PARD3: variants seen among roughly 807,000 people sequenced by gnomAD.
The protein encoded by PARD3 is partitioning defective 3 homolog.
In PARD3, 75 loss-of-function variants were observed where a neutral mutation model predicts 155.4. That is an observed-to-expected ratio of 0.48 (90% confidence interval 0.40 to 0.58). The LOEUF is 0.58. Ranked by LOEUF, PARD3 falls within the 20% of genes least tolerant of loss-of-function variation. The probability of loss-of-function intolerance (pLI) is 0.00; values close to 1 mark genes in which losing one functional copy is unlikely to be tolerated. For missense variants in PARD3, 1,642 were observed against 1,721.7 expected, an observed-to-expected ratio of 0.95 and a Z score of 0.82; for synonymous variants, 576 against 610.5, an observed-to-expected ratio of 0.94 and a Z score of 0.83.
At chr10:34,463,376 G>A (rs1393187203) in intron 4 of PARD3, among the ~76,000 whole-genome samples, 6 of 134,774 alleles carry the variant, frequency 4.5e-5, no homozygotes, top group African/African-American at 1.7e-4. Context: ...GGGGAGGGGA[G>A]GGGAAGGGGA....
intron 1 of PARD3, among the ~76,000 whole-genome samples, chr10:34,754,757 CT>C (rs1836500154): frequency 6.6e-6 from 1 of 152,216 alleles, no homozygotes; most frequent in South Asian, 2.1e-4. Flanking sequence ...AGACAATCCC[CT>C]GACTTAAACT....
At chr10:34,467,713 T>A (rs2078101092) in intron 4 of PARD3, among the ~76,000 whole-genome samples, 2 of 151,992 alleles carry the variant, frequency 1.3e-5, no homozygotes, top group Admixed American at 6.6e-5. Flanking sequence ...ACCACTGCAC[T>A]CCAGCCTGGG....
At chr10:34,522,033 T>A (rs1003141995) in intron 2 of PARD3, among the ~76,000 whole-genome samples, 9 of 152,212 alleles carry the variant, frequency 5.9e-5, no homozygotes, top group African/African-American at 2.2e-4. Context: ...AAGTTATCCA[T>A]GTCCAAACTC....
At chr10:34,599,631 A>C (rs973604298) in intron 2 of PARD3, among the ~76,000 whole-genome samples, 8 of 152,198 alleles carry the variant, frequency 5.3e-5, no homozygotes, top group Non-Finnish European at 8.8e-5. Flanking sequence ...TGTCAGGAAA[A>C]AAATAGCCAA....
chr10:34,371,523 A>C (rs1453257255), intron 12 of PARD3, among the ~76,000 whole-genome samples: 1 of 72,344 alleles, frequency 1.4e-5, no homozygotes, highest in African/African-American at 1.3e-4. Context: ...AAAAAAAAAA[A>C]AAAAAAAAAC....
intron 2 of PARD3, among the ~76,000 whole-genome samples, chr10:34,525,422 A>C (rs1268191666): frequency 6.6e-6 from 1 of 152,220 alleles, no homozygotes; most frequent in Non-Finnish European, 1.5e-5. Context: ...GTACCAGGAA[A>C]CTTGACCTCA....
At chr10:34,775,679 T>C (rs1283051865) in intron 1 of PARD3, among the ~76,000 whole-genome samples, 1 of 152,124 alleles carries the variant, frequency 6.6e-6, no homozygotes, top group Non-Finnish European at 1.5e-5. Context: ...GAAAGCAAAG[T>C]AGATGAAGTA....
chr10:34,751,971 G>A (rs113013504), intron 1 of PARD3, among the ~76,000 whole-genome samples: 104 of 151,986 alleles, frequency 6.8e-4, no homozygotes, highest in Admixed American at 1.1e-3. Context: ...CAGCTTCCTC[G>A]GACTTTGCGA....
intron 22 of PARD3, among the ~76,000 whole-genome samples, chr10:34,168,831 C>T (rs1239974071): frequency 6.6e-6 from 1 of 152,166 alleles, no homozygotes; most frequent in Non-Finnish European, 1.5e-5. Flanking sequence ...AGTTTGAGGG[C>T]ATTAATTATG....
intron 1 of PARD3, among the ~76,000 whole-genome samples, chr10:34,809,397 A>C (rs560444210): frequency 1.3e-3 from 201 of 152,250 alleles, no homozygotes; most frequent in African/African-American, 4.4e-3. Flanking sequence ...GCACAGCCCA[A>C]GCATCTGAGT....
chr10:34,348,304 T>C (rs1269725617), intron 14 of PARD3, among the ~76,000 whole-genome samples, 189 bp from the exon 15 acceptor site: 1 of 152,246 alleles, frequency 6.6e-6, no homozygotes, highest in Non-Finnish European at 1.5e-5. Flanking sequence ...CTGTGCCACT[T>C]TATACCATGC....
At chr10:34,287,952 T>C (rs1314957076) in intron 20 of PARD3, among the ~76,000 whole-genome samples, 1 of 152,226 alleles carries the variant, frequency 6.6e-6, no homozygotes, top group Admixed American at 6.5e-5. Flanking sequence ...GGCTCATGCC[T>C]GCAATCCCAG....
chr10:34,358,828 G>T (rs1241422442), intron 14 of PARD3, among the ~76,000 whole-genome samples: 1 of 152,204 alleles, frequency 6.6e-6, no homozygotes, highest in Non-Finnish European at 1.5e-5. Context: ...CTGCCAACTA[G>T]AAGAGAAACT....
intron 22 of PARD3, among the ~76,000 whole-genome samples, chr10:34,181,599 T>C (rs548160178): frequency 1.3e-5 from 2 of 152,262 alleles, no homozygotes; most frequent in Admixed American, 6.5e-5. Context: ...AGTAGATACA[T>C]ACACAGTTTT....
At chr10:34,128,334 T>C (rs1446972996) in intron 23 of PARD3, among the ~76,000 whole-genome samples, 2 of 152,218 alleles carry the variant, frequency 1.3e-5, no homozygotes, top group African/African-American at 4.8e-5. Context: ...ATGGAGAAGA[T>C]CTTTATGATG....
intron 3 of PARD3, among the ~76,000 whole-genome samples, chr10:34,504,441 AAAAAG>A (rs1343446181): frequency 6.6e-6 from 1 of 151,894 alleles, no homozygotes; most frequent in Non-Finnish European, 1.5e-5. Context: ...AAAAAAAAAA[AAAAAG>A]AAAAGTATTT....
intron 2 of PARD3, among the ~76,000 whole-genome samples, chr10:34,541,646 G>A (rs2083619390): frequency 6.6e-6 from 1 of 152,178 alleles, no homozygotes; most frequent in African/African-American, 2.4e-5. Context: ...GGAAGTGCTG[G>A]TGCCTAAACT....
At chr10:34,694,982 G>A (rs752569415) in intron 2 of PARD3, among the ~76,000 whole-genome samples, 1 of 152,120 alleles carries the variant, frequency 6.6e-6, no homozygotes. Flanking sequence ...GAATGAGAAG[G>A]AGCCCCAGTA....
intron 1 of PARD3, among the ~76,000 whole-genome samples, chr10:34,765,732 T>G (rs913329444): frequency 6.6e-6 from 1 of 151,788 alleles, no homozygotes; most frequent in East Asian, 1.9e-4. Flanking sequence ...AGCAGTGATA[T>G]CGTTAAGCGC....
Sources: gnomAD v4.1 joint callset for allele counts (sites outside exome capture counted in the v4.1 genomes callset) on GRCh38, gnomAD v4.1.1 for gene constraint, MANE v1.5 for transcripts, NCBI Gene and HGNC (gene_info 2026-07-23, HGNC 2026-07-21) for gene names.